SNX29: variants seen among roughly 807,000 people sequenced by gnomAD.
SNX29 encodes the protein sorting nexin-29.
In SNX29, 78 loss-of-function variants were observed where a neutral mutation model predicts 102.1. The ratio of observed to expected loss-of-function variants is 0.76; its 90% CI spans 0.64 to 0.92. The LOEUF (loss-of-function observed/expected upper bound fraction) is 0.92. Ranked by LOEUF, SNX29 falls within the 40% of genes least tolerant of loss-of-function variation. The pLI is 0.00. For synonymous variants in SNX29, 580 were observed against 414.5 expected (o/e 1.40, Z -4.85); for missense variants, 1,280 against 1,061.7 (o/e 1.21, Z -2.86).
intron 15 of SNX29, among the ~76,000 whole-genome samples, chr16:12,344,132 C>T (rs2081701390): frequency 6.6e-6 from 1 of 152,196 alleles, no homozygotes; most frequent in African/African-American, 2.4e-5. Flanking sequence ...TCGCCTTCTG[C>T]CAGATTGGGA....
At chr16:12,554,120 G>T (rs773866634) in intron 20 of SNX29, among the ~76,000 whole-genome samples, 1 of 152,214 alleles carries the variant, frequency 6.6e-6, no homozygotes, top group South Asian at 2.1e-4. Context: ...AAGCCACCAT[G>T]CCCAGCCTGG....
chr16:12,228,581 A>G (rs2077683372), intron 14 of SNX29, among the ~76,000 whole-genome samples: 1 of 152,256 alleles, frequency 6.6e-6, no homozygotes, highest in Non-Finnish European at 1.5e-5. Context: ...TTCCCGTTGC[A>G]ATTAAAATGA....
chr16:12,201,115 T>C (rs1344654867), intron 14 of SNX29, among the ~76,000 whole-genome samples: 1 of 152,240 alleles, frequency 6.6e-6, no homozygotes, highest in Non-Finnish European at 1.5e-5. Context: ...TGCTATTTGA[T>C]AACATGCCTT....
intron 18 of SNX29, among the ~76,000 whole-genome samples, chr16:12,460,081 G>A (rs575281810): frequency 9.9e-4 from 151 of 152,284 alleles, no homozygotes; most frequent in Admixed American, 2.1e-3. Context: ...AGGAGGGAGA[G>A]GGCCATTCAG....
intron 14 of SNX29, among the ~76,000 whole-genome samples, chr16:12,274,695 C>G (rs538877595): frequency 6.6e-6 from 1 of 152,236 alleles, no homozygotes; most frequent in Admixed American, 6.5e-5. Flanking sequence ...TGGCACCACA[C>G]CATACTAATT....
At chr16:12,252,239 T>G (rs943231742) in intron 14 of SNX29, among the ~76,000 whole-genome samples, 3 of 151,716 alleles carry the variant, frequency 2.0e-5, no homozygotes, top group Non-Finnish European at 4.4e-5. Flanking sequence ...AGTGACAGAT[T>G]TAAATGAAAC....
intron 20 of SNX29, among the ~76,000 whole-genome samples, chr16:12,535,982 G>A (rs948594386): frequency 2.0e-5 from 3 of 152,150 alleles, no homozygotes; most frequent in African/African-American, 7.2e-5. Context: ...CTGAGAAAAG[G>A]GGTCTTTGAT....
In SNX29 at chr16:12,363,401, G is replaced by T. The variant is rs142278844; in HGVS notation, c.1899+7122G>T. 8.5e-5 allele frequency among the ~76,000 whole-genome samples: 13 copies of T among 152,268 alleles called. No individual in the cohort carries two copies. In the East Asian group the frequency reaches 2.3e-3, roughly 27 times the overall value. ...TGGATCCCTGACCACACTGGATTAG[G>T]CTTCCTCCCAGACACCAGGGTGTTC... On this transcript the variant is annotated intron_variant, in intron 16 of 20. Transcript: ENST00000566228.
At chr16:12,252,761 C>A (rs1449689135) in intron 14 of SNX29, among the ~76,000 whole-genome samples, 2 of 152,230 alleles carry the variant, frequency 1.3e-5, no homozygotes, top group Admixed American at 6.5e-5. Flanking sequence ...AGGCAGCCGC[C>A]ATTGGAGGGG....
At chr16:12,246,786 A>T (rs914345798) in intron 14 of SNX29, among the ~76,000 whole-genome samples, 1 of 152,190 alleles carries the variant, frequency 6.6e-6, no homozygotes, top group East Asian at 1.9e-4. Context: ...GTCACTGGCA[A>T]TAGTAACAGC....
intron 18 of SNX29, among the ~76,000 whole-genome samples, chr16:12,440,665 C>G (rs2085757866): frequency 1.0e-5 from 1 of 98,384 alleles, no homozygotes; most frequent in Admixed American, 1.1e-4. Flanking sequence ...TCCTTTAGCT[C>G]CCACTTCTAA....
intron 13 of SNX29, among the ~76,000 whole-genome samples, chr16:12,139,397 C>T (rs2054786731): frequency 6.6e-6 from 1 of 152,146 alleles, no homozygotes; most frequent in African/African-American, 2.4e-5. Flanking sequence ...TCCATGAGGG[C>T]AGTGGCCCGT....
chr16:12,029,585 G>T, intron 4 of SNX29: 3 of 402,112 alleles, frequency 7.5e-6, no homozygotes, highest in East Asian at 8.0e-5. Flanking sequence ...GCATGACCTT[G>T]GAATTTGATT....
intron 3 of SNX29, 98 bp downstream of exon 3, chr16:12,003,141 C>A: frequency 1.4e-6 from 2 of 1,443,558 alleles, no homozygotes; most frequent in Non-Finnish European, 9.7e-7. Flanking sequence ...GTTGGAAAGG[C>A]GGCAGAAGGC....
intron 14 of SNX29, among the ~76,000 whole-genome samples, chr16:12,205,776 G>T (rs1374154176): frequency 6.6e-6 from 1 of 152,198 alleles, no homozygotes; most frequent in African/African-American, 2.4e-5. Context: ...TTTCTTGCTT[G>T]TTTCTTCCCG....
At chr16:12,009,522 C>T (rs546227751) in intron 3 of SNX29, among the ~76,000 whole-genome samples, 10 of 151,142 alleles carry the variant, frequency 6.6e-5, no homozygotes, top group Admixed American at 5.3e-4. Context: ...AGACGGACAC[C>T]GTGAGATGCT....
At chr16:12,009,611 G>A (rs561468059) in intron 3 of SNX29, among the ~76,000 whole-genome samples, 2 of 152,184 alleles carry the variant, frequency 1.3e-5, no homozygotes, top group African/African-American at 4.8e-5. Context: ...TTCAGATGGA[G>A]TCCTGAGAAG....
chr16:12,308,669 C>G lies in SNX29; in HGVS notation c.1782+30633C>G, dbSNP rs987294002. 2.0e-5 allele frequency among the ~76,000 whole-genome samples: 3 copies of G among 152,170 alleles called. No individual in the cohort carries two copies. The South Asian group carries it at 6.2e-4, about 32-fold the overall frequency. On this transcript the variant is annotated intron_variant, in intron 15 of 20. Transcript: ENST00000566228. The stretch of plus-strand genomic sequence containing the variant: ...TTCTAAGGTATAAGGCAGACTCTTG[C>G]AATGCCTGTGTAATATTTTCTACTG...
chr16:12,316,411 C>T (rs1222016831), intron 15 of SNX29, among the ~76,000 whole-genome samples: 1 of 152,120 alleles, frequency 6.6e-6, no homozygotes, highest in Non-Finnish European at 1.5e-5. Flanking sequence ...GGCGTGGTGG[C>T]AGGCACCTGT....
Sources: gnomAD v4.1 joint callset for allele counts (sites outside exome capture counted in the v4.1 genomes callset) on GRCh38, gnomAD v4.1.1 for gene constraint, MANE v1.5 for transcripts, NCBI Gene and HGNC (gene_info 2026-07-23, HGNC 2026-07-21) for gene names.